Variants in MYT1L observed in about 807,000 individuals in gnomAD.
The protein encoded by MYT1L is myelin transcription factor 1 like, also known as myelin transcription factor 1-like protein.
A neutral mutation model predicts 126.7 loss-of-function variants in MYT1L; 12 were observed. That is an observed-to-expected ratio of 0.09 (90% CI 0.06 to 0.15). The LOEUF (loss-of-function observed/expected upper bound fraction) is 0.15. MYT1L is among the 10% of genes least tolerant of loss of function. The probability of loss-of-function intolerance (pLI) is 1.00; values close to 1 mark genes in which losing one functional copy is unlikely to be tolerated. For synonymous variants in MYT1L, 541 were observed against 604.2 expected (o/e 0.90, Z 1.53); for missense variants, 979 against 1,585.2 (o/e 0.62, Z 6.49).
chr2:1,831,739 G>A (rs528290444), intron 21 of MYT1L, among the ~76,000 whole-genome samples: 7 of 152,136 alleles, frequency 4.6e-5, no homozygotes, highest in African/African-American at 4.8e-5. Flanking sequence ...ACATCATGGC[G>A]CCTGGCTCCC....
chr2:2,293,187 C>A (rs1344008579), intron 1 of MYT1L, among the ~76,000 whole-genome samples: 1 of 152,084 alleles, frequency 6.6e-6, no homozygotes. Context: ...CCTCATGGGG[C>A]CTTTACTACG....
chr2:1,865,992 A>G (rs2045407755), intron 18 of MYT1L, among the ~76,000 whole-genome samples: 1 of 152,208 alleles, frequency 6.6e-6, no homozygotes, highest in African/African-American at 2.4e-5. Flanking sequence ...GTCCCACCTC[A>G]GAGGCACTGG....
At chr2:2,227,852 A>G (rs544222562) in intron 2 of MYT1L, among the ~76,000 whole-genome samples, 2 of 152,206 alleles carry the variant, frequency 1.3e-5, no homozygotes, top group African/African-American at 2.4e-5. Context: ...GCCCTGATTT[A>G]TATTATCCAG....
intron 14 of MYT1L, among the ~76,000 whole-genome samples, chr2:1,893,494 C>G (rs72765595): frequency 6.6e-6 from 1 of 152,118 alleles, no homozygotes; most frequent in Non-Finnish European, 1.5e-5. Context: ...TAGAGACACT[C>G]TAGCCCGGGT....
At chr2:1,909,731 A>C (rs1159274956) in intron 13 of MYT1L, among the ~76,000 whole-genome samples, 1 of 151,708 alleles carries the variant, frequency 6.6e-6, no homozygotes, top group Admixed American at 6.6e-5. Flanking sequence ...GACAACACCT[A>C]CTCCCACCTA....
intron 2 of MYT1L, among the ~76,000 whole-genome samples, chr2:2,181,287 C>T (rs2091490165): frequency 6.6e-6 from 1 of 151,616 alleles, no homozygotes. Context: ...CGTGTGCGTG[C>T]ACCTGTGTGT....
intron 1 of MYT1L, among the ~76,000 whole-genome samples, chr2:2,299,127 C>G (rs1052751023): frequency 6.6e-6 from 1 of 152,208 alleles, no homozygotes; most frequent in Non-Finnish European, 1.5e-5. Flanking sequence ...GCTGGGATTA[C>G]AGGCGTGAGC....
intron 18 of MYT1L, among the ~76,000 whole-genome samples, chr2:1,880,243 A>T (rs780465657): frequency 8.5e-5 from 13 of 152,258 alleles, no homozygotes; most frequent in Non-Finnish European, 1.9e-4. Context: ...TCTCTTCAGC[A>T]AACAATATGC....
intron 1 of MYT1L, among the ~76,000 whole-genome samples, chr2:2,287,539 TATAA>T (rs1364986763): frequency 1.3e-5 from 2 of 152,130 alleles, no homozygotes; most frequent in Admixed American, 1.3e-4. Context: ...TTGAAAAAAA[TATAA>T]ATACTGTATT....
intron 2 of MYT1L, among the ~76,000 whole-genome samples, chr2:2,216,338 AG>A (rs1201049808): frequency 6.6e-6 from 1 of 152,238 alleles, no homozygotes; most frequent in Non-Finnish European, 1.5e-5. Flanking sequence ...GAGTTAGATA[AG>A]AAGATAATAA....
chr2:1,798,744 A>T (rs1341130096), intron 23 of MYT1L, among the ~76,000 whole-genome samples: 2 of 152,204 alleles, frequency 1.3e-5, no homozygotes, highest in African/African-American at 4.8e-5. Context: ...AGGAAAATGC[A>T]AGGGGCATGA....
At chr2:2,079,074 A>G (rs923705317) in intron 3 of MYT1L, among the ~76,000 whole-genome samples, 24 of 152,314 alleles carry the variant, frequency 1.6e-4, no homozygotes, top group Middle Eastern at 6.8e-3. Flanking sequence ...CCACACACCC[A>G]ATAATCTGGT....
At chr2:1,949,445 T>G (rs1178577801) in intron 8 of MYT1L, among the ~76,000 whole-genome samples, 1 of 151,904 alleles carries the variant, frequency 6.6e-6, no homozygotes, top group African/African-American at 2.4e-5. Flanking sequence ...TTTTTGCTGT[T>G]GTAGCTTTCA....
chr2:2,311,192 A>T (rs1176984053), intron 1 of MYT1L, among the ~76,000 whole-genome samples: 2 of 152,238 alleles, frequency 1.3e-5, no homozygotes, highest in Non-Finnish European at 2.9e-5. Flanking sequence ...AACCAAGACC[A>T]CATAAGAGTC....
At chr2:2,324,627 TGA>T (rs1233422640) in intron 1 of MYT1L, 8 of 152,606 alleles carry the variant, frequency 5.2e-5, no homozygotes, top group African/African-American at 1.9e-4. Context: ...GCCGGGCGGG[TGA>T]AGTGCAGCCT....
intron 2 of MYT1L, among the ~76,000 whole-genome samples, chr2:2,180,546 CTGTACCTGTGTGGGCCCGTGTG>C (rs928823551): frequency 2.2e-4 from 34 of 151,274 alleles, no homozygotes; most frequent in African/African-American, 7.3e-4. Context: ...GCACCTGTAT[CTGTACCTGTGTGGGCCCGTGTG>C]TGTACCTGTG....
At chr2:1,913,862 T>C (rs1344634793) in intron 11 of MYT1L, among the ~76,000 whole-genome samples, 1 of 152,082 alleles carries the variant, frequency 6.6e-6, no homozygotes, top group African/African-American at 2.4e-5. Context: ...TGCTACTTCA[T>C]CCATCTCAAT....
intron 4 of MYT1L, among the ~76,000 whole-genome samples, chr2:2,025,510 C>G (rs1178317785): frequency 1.3e-5 from 2 of 152,196 alleles, no homozygotes; most frequent in African/African-American, 4.8e-5. Flanking sequence ...GTGATTTTCC[C>G]ATAAAAAGAC....
At chr2:1,987,504 C>A (rs570347109) in intron 5 of MYT1L, among the ~76,000 whole-genome samples, 1 of 152,268 alleles carries the variant, frequency 6.6e-6, no homozygotes, top group African/African-American at 2.4e-5. Context: ...TACCCCACAC[C>A]ACAGCTTTCA....
Sources: allele counts gnomAD v4.1 joint callset (sites outside exome capture counted in the v4.1 genomes callset), GRCh38; gene constraint gnomAD v4.1.1; transcripts MANE v1.5; gene names NCBI Gene and HGNC (gene_info 2026-07-23, HGNC 2026-07-21).